NAALADL2: variants seen among roughly 807,000 people sequenced by gnomAD.
The protein encoded by NAALADL2 is inactive N-acetylated-alpha-linked acidic dipeptidase-like protein 2.
In NAALADL2, 76 loss-of-function variants were observed where a neutral mutation model predicts 87.2. That is an observed-to-expected ratio of 0.87 (90% CI 0.72 to 1.05). The LOEUF is 1.05. NAALADL2 is among the 50% of genes least tolerant of loss of function. NAALADL2 has a pLI of 0.00. For missense variants in NAALADL2, 1,089 were observed against 945.8 expected (o/e 1.15, Z -1.99); for synonymous variants, 354 against 331.0 (o/e 1.07, Z -0.75).
chr3:175,266,835 T>A (rs1190240600), intron 4 of NAALADL2, among the ~76,000 whole-genome samples: 5 of 151,868 alleles, frequency 3.3e-5, no homozygotes, highest in African/African-American at 7.2e-5. Flanking sequence ...ATATCAATAA[T>A]TAAATAATAG....
intron 2 of NAALADL2, among the ~76,000 whole-genome samples, chr3:174,684,091 T>C (rs57457046): frequency 0.089 from 13,472 of 152,052 alleles, 832 homozygotes; most frequent in South Asian, 0.27. Context: ...CCAATCTTTT[T>C]TGTGTTAAAA....
intron 1 of NAALADL2, among the ~76,000 whole-genome samples, chr3:174,938,881 T>G (rs1738132244): frequency 6.6e-6 from 1 of 152,150 alleles, no homozygotes; most frequent in South Asian, 2.1e-4. Flanking sequence ...TGTTTTTCTC[T>G]TGTAAATTTG....
At chr3:175,387,929 G>C (rs927026531) in intron 5 of NAALADL2, among the ~76,000 whole-genome samples, 1 of 152,008 alleles carries the variant, frequency 6.6e-6, no homozygotes, top group South Asian at 2.1e-4. Context: ...AATCTTCTTA[G>C]AAAGCTGATT....
intron 2 of NAALADL2, among the ~76,000 whole-genome samples, chr3:174,663,987 C>T (rs1339330853): frequency 2.6e-5 from 4 of 151,892 alleles, no homozygotes; most frequent in Non-Finnish European, 5.9e-5. Context: ...GGGGGTTTCA[C>T]CATGTTGGTC....
intron 11 of NAALADL2, among the ~76,000 whole-genome samples, chr3:175,658,687 G>A (rs541951394): frequency 5.0e-4 from 76 of 152,256 alleles, no homozygotes; most frequent in African/African-American, 1.7e-3. Context: ...AGAAATATAT[G>A]TATATGTATG....
intron 1 of NAALADL2, among the ~76,000 whole-genome samples, chr3:174,871,815 C>T (rs1242713781): frequency 6.6e-6 from 1 of 152,082 alleles, no homozygotes; most frequent in African/African-American, 2.4e-5. Context: ...AGGAGAATTG[C>T]TTGAACCTGG....
At chr3:175,699,215 A>G (rs1437694084) in intron 11 of NAALADL2, among the ~76,000 whole-genome samples, 1 of 151,990 alleles carries the variant, frequency 6.6e-6, no homozygotes, top group Non-Finnish European at 1.5e-5. Flanking sequence ...TTATAAGCTC[A>G]GGAAAAATAG....
At chr3:175,348,208 C>T (rs1055523688) in intron 5 of NAALADL2, among the ~76,000 whole-genome samples, 17 of 152,028 alleles carry the variant, frequency 1.1e-4, no homozygotes, top group Admixed American at 2.6e-4. Context: ...TGTGCCACCA[C>T]GCCCAGCTAA....
intron 1 of NAALADL2, among the ~76,000 whole-genome samples, chr3:174,869,310 G>A (rs1727513869): frequency 6.6e-6 from 1 of 151,662 alleles, no homozygotes; most frequent in African/African-American, 2.4e-5. Context: ...AAGAAGAGTG[G>A]AAAAAAGAGG....
chr3:175,470,185 C>T (rs1724658028), intron 8 of NAALADL2, among the ~76,000 whole-genome samples: 2 of 152,140 alleles, frequency 1.3e-5, no homozygotes, highest in Admixed American at 6.5e-5. Flanking sequence ...ATATATAACA[C>T]ATTTCCTTTT....
chr3:175,449,954 C>A (rs1721306200), intron 6 of NAALADL2, among the ~76,000 whole-genome samples: 1 of 151,988 alleles, frequency 6.6e-6, no homozygotes, highest in South Asian at 2.1e-4. Context: ...ATTGAGAAGA[C>A]CTTTCATGTT....
chr3:175,155,314 C>T lies in NAALADL2; in HGVS notation c.545+58023C>T, dbSNP rs370465100. Among the ~76,000 whole-genome samples the T allele has an allele frequency of 3.3e-5, 5 of 152,226 alleles. No homozygotes were observed. The South Asian group carries it at 1.0e-3, about 32-fold the overall frequency. ...GCTAGTGAGTACCTGTTTTGTGTAA[C>T]AGCTGTAGCAGTTGCCCCTTTGACA... On this transcript the variant is annotated intron_variant, in intron 2 of 13. Coordinates refer to ENST00000454872, the MANE Select transcript of NAALADL2 (RefSeq NM_207015.3).
At chr3:175,362,855 AC>A (rs1250439573) in intron 5 of NAALADL2, among the ~76,000 whole-genome samples, 1 of 147,204 alleles carries the variant, frequency 6.8e-6, no homozygotes, top group Non-Finnish European at 1.5e-5. Context: ...TTGTTTTTTG[AC>A]TTTTTGATCA....
At chr3:175,550,989 G>A (rs1170997116) in intron 9 of NAALADL2, among the ~76,000 whole-genome samples, 2 of 152,180 alleles carry the variant, frequency 1.3e-5, no homozygotes, top group Non-Finnish European at 2.9e-5. Context: ...TTGTGGTAGA[G>A]TTGGGCATAA....
At chr3:175,153,695 T>C (rs1731889664) in intron 2 of NAALADL2, among the ~76,000 whole-genome samples, 1 of 152,172 alleles carries the variant, frequency 6.6e-6, no homozygotes, top group Non-Finnish European at 1.5e-5. Flanking sequence ...AAAAGTAAAG[T>C]AAGGAAGAGC....
At chr3:175,645,050 G>A (rs532118411) in intron 11 of NAALADL2, among the ~76,000 whole-genome samples, 11 of 151,742 alleles carry the variant, frequency 7.2e-5, no homozygotes, top group South Asian at 2.1e-4. Flanking sequence ...ATTAACTGCC[G>A]CCTACAGTAG....
At chr3:174,892,924 A>AC (rs1185601306) in intron 1 of NAALADL2, among the ~76,000 whole-genome samples, 1 of 71,700 alleles carries the variant, frequency 1.4e-5, no homozygotes, top group Non-Finnish European at 2.9e-5. Context: ...TCCAACTCAA[A>AC]AAAAAAAAAA....
chr3:175,700,978 G>T (rs1219151546), intron 11 of NAALADL2, among the ~76,000 whole-genome samples: 1 of 152,012 alleles, frequency 6.6e-6, no homozygotes, highest in Non-Finnish European at 1.5e-5. Context: ...TGGTACTATG[G>T]AGATAAATGA....
chr3:175,235,037 A>C (rs892308576), intron 3 of NAALADL2: 1 of 144,632 alleles, frequency 6.9e-6, no homozygotes, highest in Non-Finnish European at 1.5e-5. Context: ...TCTATGTAAA[A>C]GTGTAATTTT....
Sources: gnomAD v4.1 joint callset for allele counts (sites outside exome capture counted in the v4.1 genomes callset) on GRCh38, gnomAD v4.1.1 for gene constraint, MANE v1.5 for transcripts, NCBI Gene and HGNC (gene_info 2026-07-23, HGNC 2026-07-21) for gene names.